OSBPL10: variants seen among roughly 807,000 people sequenced by gnomAD.
OSBPL10 encodes oxysterol-binding protein-related protein 10.
In OSBPL10, 49 loss-of-function variants were observed where a neutral mutation model predicts 81.7. The ratio of observed to expected loss-of-function variants is 0.60; its 90% CI spans 0.48 to 0.76. The LOEUF (loss-of-function observed/expected upper bound fraction) is 0.76, where lower values mean the gene tolerates loss of function less well. OSBPL10 is among the 30% of genes least tolerant of loss of function. The probability of loss-of-function intolerance (pLI) is 0.00; values close to 1 mark genes in which losing one functional copy is unlikely to be tolerated. For synonymous variants in OSBPL10, 419 were observed against 383.6 expected (o/e 1.09, Z -1.08); for missense variants, 923 against 987.8 (o/e 0.93, Z 0.88).
chr3:32,065,553 C>G (rs1575095086), intron 1 of OSBPL10: 1 of 91,498 alleles, frequency 1.1e-5, no homozygotes, highest in East Asian at 2.5e-4. Context: ...CTTGTAGAAT[C>G]CAGTTTGAGC....
In OSBPL10 at chr3:31,846,270, C is replaced by T. The variant is rs181651724; in HGVS notation, c.538-16039G>A. ...TCCAGCGATCCTCCGCCTTGGCCTC[C>T]CCAAAGTGCTGAGATTATAGGCATC... On this transcript the variant is annotated intron_variant, in intron 3 of 11. Transcript: ENST00000396556. Among the ~76,000 whole-genome samples the T allele has an allele frequency of 1.8e-3, 277 of 152,306 alleles. 1 individual carries two copies. Among genetic ancestry groups the T allele is most frequent in the African/African-American group, 6.5e-3 (270 of 41,566 alleles).
rs367552060 is a variant in OSBPL10 at position 31,750,903 on chromosome 3, C to T, written c.730-2783G>A. 3.9e-5 allele frequency among the ~76,000 whole-genome samples: 6 copies of T among 152,194 alleles called. No individual in the cohort carries two copies. The East Asian group carries it at 1.2e-3, about 29-fold the overall frequency. ...TAATTATTATTTCATAAACAGAAGACATTATGAAAATCTTAGATAATAAAA... is the reference window on the plus strand; with the variant it reads ...TAATTATTATTTCATAAACAGAAGATATTATGAAAATCTTAGATAATAAAA... On this transcript the variant is annotated intron_variant, in intron 4 of 11. Transcript: ENST00000396556.
intron 2 of OSBPL10, among the ~76,000 whole-genome samples, chr3:32,044,725 G>C (rs1445678516): frequency 1.0e-5 from 1 of 96,642 alleles, no homozygotes; most frequent in African/African-American, 4.2e-5. Flanking sequence ...TGGGCAACAA[G>C]AGCGAAACTC....
intron 3 of OSBPL10, among the ~76,000 whole-genome samples, chr3:31,868,004 T>G (rs2125611826): frequency 6.6e-6 from 1 of 151,776 alleles, no homozygotes; most frequent in East Asian, 1.9e-4. Context: ...CACAGAGATG[T>G]AAACTGCCCA....
intron 1 of OSBPL10, among the ~76,000 whole-genome samples, chr3:31,967,846 A>G (rs1484024793): frequency 3.3e-5 from 5 of 152,228 alleles, no homozygotes; most frequent in Non-Finnish European, 7.3e-5. Flanking sequence ...TGAAGCTTCA[A>G]GAATGGATGC....
intron 1 of OSBPL10, among the ~76,000 whole-genome samples, chr3:31,964,230 C>T (rs1698250187): frequency 6.6e-6 from 1 of 152,074 alleles, no homozygotes; most frequent in African/African-American, 2.4e-5. Flanking sequence ...AATCTAGACT[C>T]ACTGCAACCT....
At chr3:32,031,614 C>T (rs537755479) in intron 2 of OSBPL10, among the ~76,000 whole-genome samples, 46 of 152,030 alleles carry the variant, frequency 3.0e-4, no homozygotes, top group East Asian at 1.9e-3. Context: ...GGCATACGCC[C>T]GGCTAATTTT....
At chr3:31,976,512 G>C (rs942975135) in intron 1 of OSBPL10, among the ~76,000 whole-genome samples, 1 of 152,174 alleles carries the variant, frequency 6.6e-6, no homozygotes, top group Admixed American at 6.5e-5. Context: ...GAGTCCAGTG[G>C]TGTGATCATA....
intron 4 of OSBPL10, among the ~76,000 whole-genome samples, chr3:31,760,366 G>A (rs1697996716): frequency 6.6e-6 from 1 of 152,128 alleles, no homozygotes; most frequent in Non-Finnish European, 1.5e-5. Context: ...AGTACCCATG[G>A]GGGATTGGTT....
intron 2 of OSBPL10, among the ~76,000 whole-genome samples, chr3:31,877,537 G>A (rs1029352338): frequency 4.6e-5 from 7 of 151,210 alleles, no homozygotes; most frequent in Non-Finnish European, 8.8e-5. Flanking sequence ...ATAAATAACT[G>A]CATAAATATA....
intron 1 of OSBPL10, among the ~76,000 whole-genome samples, chr3:32,058,285 G>A (rs368035095): frequency 4.5e-4 from 69 of 152,260 alleles, no homozygotes; most frequent in African/African-American, 1.6e-3. Flanking sequence ...ATAGAATCTA[G>A]TTGGTAGGTA....
rs566997403 is a variant in OSBPL10, at chr3:31,965,243, A to G, written c.281+15656T>C. On this transcript the variant is annotated intron_variant, in intron 1 of 11. Coordinates refer to ENST00000396556, the MANE Select transcript of OSBPL10 (RefSeq NM_017784.5). The stretch of plus-strand genomic sequence containing the variant: ...AAATTAGCCGGGCGTGGTGGTGGGC[A>G]CCTGTAGTCCCAGCTACTCGGGAAG... Among the ~76,000 whole-genome samples, 16 of 150,424 alleles carry G rather than the reference A, an allele frequency of 1.1e-4. No homozygotes were observed. In the East Asian group the frequency reaches 2.2e-3, roughly 20 times the overall value.
intron 2 of OSBPL10, among the ~76,000 whole-genome samples, chr3:32,040,376 C>T (rs937543001): frequency 2.0e-5 from 3 of 152,108 alleles, no homozygotes; most frequent in Non-Finnish European, 2.9e-5. Context: ...CACTGCACTC[C>T]AGCCTAGGCG....
chr3:31,787,716 C>T (rs1231108728), intron 4 of OSBPL10, among the ~76,000 whole-genome samples: 1 of 152,138 alleles, frequency 6.6e-6, no homozygotes, highest in East Asian at 1.9e-4. Context: ...AGACAGACCA[C>T]TCAGTCCTAG....
At chr3:31,690,698 A>G (rs1441801787) in intron 7 of OSBPL10, among the ~76,000 whole-genome samples, 1 of 152,208 alleles carries the variant, frequency 6.6e-6, no homozygotes, top group African/African-American at 2.4e-5. Flanking sequence ...CAGGAAAAAA[A>G]TAGAATACCT....
chr3:32,003,712 G>GACCTGGGCATCGGAGGTCATGTGTCC (rs1178013860), intron 2 of OSBPL10, among the ~76,000 whole-genome samples: 2 of 152,146 alleles, frequency 1.3e-5, no homozygotes, highest in Non-Finnish European at 2.9e-5. Flanking sequence ...GGTCCAGGTG[G>GACCTGGGCATCGGAGGTCATGTGTCC]ACCTGGGCAT....
intron 4 of OSBPL10, among the ~76,000 whole-genome samples, chr3:31,821,596 G>C (rs968405503): frequency 3.9e-5 from 6 of 152,086 alleles, no homozygotes; most frequent in Non-Finnish European, 7.4e-5. Context: ...AACATTTTTT[G>C]AAAACCGATG....
intron 2 of OSBPL10, among the ~76,000 whole-genome samples, chr3:32,045,035 T>C (rs1255677533): frequency 1.3e-5 from 2 of 152,222 alleles, no homozygotes; most frequent in African/African-American, 4.8e-5. Context: ...CAGTGTGAGA[T>C]AACTTACAGC....
intron 3 of OSBPL10, among the ~76,000 whole-genome samples, chr3:31,846,951 C>T (rs116230012): frequency 0.011 from 1,644 of 152,232 alleles, 21 homozygotes; most frequent in South Asian, 0.059. Context: ...GTTGTTTGTA[C>T]GGACTTTTCT....
Sources: gnomAD v4.1 joint callset for allele counts (sites outside exome capture counted in the v4.1 genomes callset) on GRCh38, gnomAD v4.1.1 for gene constraint, MANE v1.5 for transcripts, NCBI Gene and HGNC (gene_info 2026-07-23, HGNC 2026-07-21) for gene names.